Variants in CACNB4 observed in about 807,000 individuals in gnomAD.
The protein encoded by CACNB4 is calcium voltage-gated channel auxiliary subunit beta 4, also known as voltage-dependent L-type calcium channel subunit beta-4.
Under a neutral mutation model 71.2 loss-of-function variants are expected in CACNB4, and 32 were observed. The ratio of observed to expected loss-of-function variants is 0.45; its 90% CI spans 0.34 to 0.60. CACNB4 has a LOEUF of 0.60. Among genes scored for constraint, CACNB4 ranks in the 20% least tolerant of loss-of-function variants. The pLI is 0.01. For missense variants in CACNB4, 464 were observed against 647.9 expected (o/e 0.72, Z 3.08); for synonymous variants, 231 against 236.9 (o/e 0.97, Z 0.23).
intron 2 of CACNB4, among the ~76,000 whole-genome samples, chr2:152,080,079 A>T (rs893355492): frequency 4.6e-5 from 7 of 152,174 alleles, no homozygotes; most frequent in African/African-American, 1.7e-4. Flanking sequence ...ATGATAAGAA[A>T]CAACTCTAGA....
chr2:151,950,979 CCTGG>C (rs775617393), intron 2 of CACNB4, among the ~76,000 whole-genome samples: 1 of 152,100 alleles, frequency 6.6e-6, no homozygotes, highest in East Asian at 1.9e-4. Flanking sequence ...GCTCTGTCAC[CCTGG>C]CTGGAGGCTG....
chr2:151,870,651 G>T, intron 7 of CACNB4, 40 bp from the exon 8 acceptor site: 2 of 1,497,324 alleles, frequency 1.3e-6, no homozygotes, highest in African/African-American at 1.4e-5. Context: ...AGGTGAGGTT[G>T]AGCATGCCTC....
At chr2:152,048,894 T>C (rs1685269376) in intron 2 of CACNB4, 1 of 152,226 alleles carries the variant, frequency 6.6e-6, no homozygotes, top group African/African-American at 2.4e-5. Flanking sequence ...AGAGAGCAGA[T>C]GGAGGCAGAA....
chr2:152,048,943 A>G (rs745370528), intron 2 of CACNB4, among the ~76,000 whole-genome samples: 43 of 152,196 alleles, frequency 2.8e-4, no homozygotes, highest in Admixed American at 1.4e-3. Context: ...AGGTGACTGT[A>G]TGGTGTGCAC....
At chr2:151,926,049 C>A (rs368624898) in intron 2 of CACNB4, among the ~76,000 whole-genome samples, 24 of 151,872 alleles carry the variant, frequency 1.6e-4, no homozygotes, top group African/African-American at 5.3e-4. Flanking sequence ...TAGGTTAGGA[C>A]CAAAGTTATA....
intron 2 of CACNB4, among the ~76,000 whole-genome samples, chr2:151,989,372 C>T (rs1193099951): frequency 6.6e-6 from 1 of 152,184 alleles, no homozygotes; most frequent in Non-Finnish European, 1.5e-5. Context: ...TGGCCTTTAT[C>T]TCTATCTCTG....
At chr2:151,944,745 T>A (rs1174400984) in intron 2 of CACNB4, among the ~76,000 whole-genome samples, 2 of 152,140 alleles carry the variant, frequency 1.3e-5, no homozygotes, top group African/African-American at 4.8e-5. Flanking sequence ...TGAGCCAAGA[T>A]CCTGCCACAG....
At chr2:151,840,266 A>T (rs2099835832) in intron 13 of CACNB4, among the ~76,000 whole-genome samples, 1 of 152,194 alleles carries the variant, frequency 6.6e-6, no homozygotes, top group African/African-American at 2.4e-5. Flanking sequence ...CAGGTCACAG[A>T]CTGTGCCTTT....
chr2:151,898,333 C>T (rs2099852578), intron 2 of CACNB4, among the ~76,000 whole-genome samples: 1 of 152,176 alleles, frequency 6.6e-6, no homozygotes, highest in Non-Finnish European at 1.5e-5. Context: ...ACCCAGTACC[C>T]ACTTCAAGAC....
intron 2 of CACNB4, among the ~76,000 whole-genome samples, chr2:152,035,120 G>A (rs1180585739): frequency 6.6e-6 from 1 of 152,206 alleles, no homozygotes; most frequent in African/African-American, 2.4e-5. Flanking sequence ...CGTTCAGTGA[G>A]AGACATAATG....
chr2:151,954,981 G>A (rs2099867861), intron 2 of CACNB4, among the ~76,000 whole-genome samples: 1 of 149,674 alleles, frequency 6.7e-6, no homozygotes, highest in East Asian at 2.0e-4. Context: ...AGCCTCCCGA[G>A]TAGCTGGGAC....
At chr2:152,023,777 T>C (rs1312177404) in intron 2 of CACNB4, among the ~76,000 whole-genome samples, 1 of 152,214 alleles carries the variant, frequency 6.6e-6, no homozygotes, top group Non-Finnish European at 1.5e-5. Flanking sequence ...ACATTTTAAA[T>C]AGCTTTCCTC....
Position 152,089,388 on chromosome 2 carries a change from T to G in CACNB4, c.147+8942A>C, listed in dbSNP as rs1221181367. Among the ~76,000 whole-genome samples, 3 of 152,192 alleles carry G rather than the reference T, an allele frequency of 2.0e-5. No homozygotes were observed. The East Asian group carries it at 5.8e-4, about 29-fold the overall frequency. ...GTGGTCAAAGAGTGCTTTGCAAGCT[T>G]TGTCTTGCCATAGCCCACAAAGGAA... On this transcript the variant is annotated intron_variant, in intron 2 of 13. Transcript: ENST00000539935.
At chr2:151,950,202 T>C (rs1352062791) in intron 2 of CACNB4, among the ~76,000 whole-genome samples, 1 of 151,976 alleles carries the variant, frequency 6.6e-6, no homozygotes, top group Admixed American at 6.5e-5. Flanking sequence ...TGGGGAGACA[T>C]TAAAAAAAAC....
chr2:152,079,273 A>G (rs1687211769), intron 2 of CACNB4, among the ~76,000 whole-genome samples: 1 of 151,854 alleles, frequency 6.6e-6, no homozygotes, highest in Non-Finnish European at 1.5e-5. Context: ...TATTTTTAGT[A>G]GAGATGGGGT....
chr2:152,056,781 C>A (rs1230542054), intron 2 of CACNB4, among the ~76,000 whole-genome samples: 1 of 152,196 alleles, frequency 6.6e-6, no homozygotes, highest in Non-Finnish European at 1.5e-5. Context: ...TGTCTGAAAT[C>A]CCTAGACAAT....
chr2:151,879,249 T>G (rs145521656), intron 4 of CACNB4, among the ~76,000 whole-genome samples: 48 of 152,310 alleles, frequency 3.2e-4, no homozygotes, highest in African/African-American at 1.1e-3. Context: ...AAGGGCTTGC[T>G]GAAATGGTTA....
intron 2 of CACNB4, among the ~76,000 whole-genome samples, chr2:152,033,358 A>G (rs1348977165): frequency 1.3e-5 from 2 of 152,118 alleles, no homozygotes; most frequent in South Asian, 2.1e-4. Context: ...CAGGGAGGGG[A>G]CTGAGGGGAT....
chr2:152,049,257 C>T (rs926583886), intron 2 of CACNB4, among the ~76,000 whole-genome samples: 1 of 151,974 alleles, frequency 6.6e-6, no homozygotes, highest in Non-Finnish European at 1.5e-5. Context: ...CTCCACCTCC[C>T]AGGTTCAAGC....
Sources: gnomAD v4.1 joint callset for allele counts (sites outside exome capture counted in the v4.1 genomes callset) on GRCh38, gnomAD v4.1.1 for gene constraint, MANE v1.5 for transcripts, NCBI Gene and HGNC (gene_info 2026-07-23, HGNC 2026-07-21) for gene names.